The following SEMA3C variants were observed in gnomAD, a reference collection of about 807,000 sequenced individuals.
The protein encoded by SEMA3C is semaphorin 3C.
SEMA3C carries 47 observed loss-of-function variants against 89.4 expected under a neutral mutation model. The ratio of observed to expected loss-of-function variants is 0.53; its 90% CI spans 0.42 to 0.67. The LOEUF is 0.67. SEMA3C is among the 30% of genes least tolerant of loss of function. SEMA3C has a pLI of 0.00. For synonymous variants in SEMA3C, 310 were observed against 320.2 expected (o/e 0.97, Z 0.34); for missense variants, 839 against 929.1 (o/e 0.90, Z 1.26).
intron 12 of SEMA3C, among the ~76,000 whole-genome samples, chr7:80,782,173 T>G (rs1788705833): frequency 6.6e-6 from 1 of 152,198 alleles, no homozygotes; most frequent in African/African-American, 2.4e-5. Flanking sequence ...AATTTTTATC[T>G]CCTTTCTTCC....
intron 2 of SEMA3C, among the ~76,000 whole-genome samples, chr7:80,855,518 C>T (rs138299681): frequency 3.3e-5 from 5 of 152,196 alleles, no homozygotes; most frequent in African/African-American, 1.2e-4. Flanking sequence ...AATCCTCCTG[C>T]CTTGGCCTCC....
intron 2 of SEMA3C, among the ~76,000 whole-genome samples, chr7:80,841,793 T>C (rs115231230): frequency 6.6e-6 from 1 of 152,126 alleles, no homozygotes; most frequent in Admixed American, 6.6e-5. Flanking sequence ...ACCTCAAATT[T>C]AAAGGCCCAG....
At chr7:80,842,652 A>G (rs1790296427) in intron 2 of SEMA3C, among the ~76,000 whole-genome samples, 1 of 152,168 alleles carries the variant, frequency 6.6e-6, no homozygotes, top group Non-Finnish European at 1.5e-5. Context: ...TCACTGACTT[A>G]CAGACATTTT....
chr7:80,851,222 T>C (rs1048185824), intron 2 of SEMA3C, among the ~76,000 whole-genome samples: 3 of 152,100 alleles, frequency 2.0e-5, no homozygotes, highest in Non-Finnish European at 2.9e-5. Context: ...TAAGATGACA[T>C]TCGGCCTGGC....
chr7:80,898,508 T>C (rs1791795270), intron 2 of SEMA3C, among the ~76,000 whole-genome samples: 1 of 152,128 alleles, frequency 6.6e-6, no homozygotes, highest in Non-Finnish European at 1.5e-5. Context: ...ATTGTATTAA[T>C]AAGAATTATT....
chr7:80,773,628 A>G (rs1388738781), intron 12 of SEMA3C, among the ~76,000 whole-genome samples: 1 of 152,174 alleles, frequency 6.6e-6, no homozygotes, highest in Admixed American at 6.5e-5. Flanking sequence ...AACAATCTCA[A>G]CAGAGGTTCA....
intron 3 of SEMA3C, 59 bp from the exon 4 acceptor site, chr7:80,827,546 G>A (rs1343799745): frequency 3.7e-6 from 5 of 1,363,878 alleles, no homozygotes; most frequent in Non-Finnish European, 5.0e-6. Flanking sequence ...ACAGCCCAGT[G>A]CTCTTCATTT....
chr7:80,863,705 G>GAT (rs1167475009), intron 2 of SEMA3C, among the ~76,000 whole-genome samples: 1 of 145,996 alleles, frequency 6.8e-6, no homozygotes. Context: ...ATATATATGT[G>GAT]ATATATATAT....
intron 15 of SEMA3C, 104 bp from the exon 16 acceptor site, chr7:80,751,440 G>T: frequency 2.0e-6 from 2 of 988,004 alleles, no homozygotes; most frequent in Non-Finnish European, 3.1e-6. Flanking sequence ...TTATTGCTAA[G>T]CTTTCATAAA....
chr7:80,811,405 A>T (rs1389181256), intron 5 of SEMA3C, among the ~76,000 whole-genome samples: 4 of 152,208 alleles, frequency 2.6e-5, no homozygotes, highest in African/African-American at 9.6e-5. Context: ...AGGAAAGTTA[A>T]GCAGGAAAAG....
intron 2 of SEMA3C, among the ~76,000 whole-genome samples, chr7:80,885,286 T>C (rs2116120304): frequency 6.6e-6 from 1 of 152,272 alleles, no homozygotes; most frequent in East Asian, 1.9e-4. Flanking sequence ...CTTTTATCCC[T>C]AGGTAAATTG....
At chr7:80,792,107 G>C (rs887587606) in intron 11 of SEMA3C, among the ~76,000 whole-genome samples, 1 of 152,086 alleles carries the variant, frequency 6.6e-6, no homozygotes, top group African/African-American at 2.4e-5. Flanking sequence ...CTTTCATCTG[G>C]AGTTCATATG....
chr7:80,761,320 C>T (rs1488823768), intron 14 of SEMA3C, among the ~76,000 whole-genome samples: 2 of 152,026 alleles, frequency 1.3e-5, no homozygotes, highest in Non-Finnish European at 2.9e-5. Flanking sequence ...ATTTTTATTT[C>T]GGTTGGCTTC....
intron 12 of SEMA3C, among the ~76,000 whole-genome samples, chr7:80,768,236 G>A (rs886606225): frequency 3.9e-5 from 6 of 152,194 alleles, no homozygotes; most frequent in South Asian, 2.1e-4. Context: ...TCTGATAGCC[G>A]GGCGTGGTGG....
intron 4 of SEMA3C, among the ~76,000 whole-genome samples, chr7:80,822,970 G>A (rs868488100): frequency 3.9e-5 from 6 of 152,088 alleles, no homozygotes; most frequent in South Asian, 4.2e-4. Context: ...AGACTTCAGC[G>A]GAAATAAATA....
At chr7:80,798,733 C>T (rs1183012666) in intron 10 of SEMA3C, among the ~76,000 whole-genome samples, 1 of 152,078 alleles carries the variant, frequency 6.6e-6, no homozygotes, top group Non-Finnish European at 1.5e-5. Context: ...TATGTTGTCA[C>T]GGTTTAGGTA....
chr7:80,756,257 CTCT>C (rs1049310655), intron 15 of SEMA3C, among the ~76,000 whole-genome samples: 14 of 152,254 alleles, frequency 9.2e-5, no homozygotes, highest in Admixed American at 9.1e-4. Flanking sequence ...TTTTTGACTC[CTCT>C]ATTTCTCTAA....
At chr7:80,810,323 C>T (rs968519718) in intron 6 of SEMA3C, among the ~76,000 whole-genome samples, 4 of 151,946 alleles carry the variant, frequency 2.6e-5, no homozygotes, top group Non-Finnish European at 4.4e-5. Context: ...ACAGAAAACA[C>T]TGAAAACTAC....
At chr7:80,894,975 T>C (rs968594187) in intron 2 of SEMA3C, among the ~76,000 whole-genome samples, 2 of 152,174 alleles carry the variant, frequency 1.3e-5, no homozygotes, top group African/African-American at 4.8e-5. Context: ...ATTAGATGAT[T>C]CTAATGTTTC....
Sources: gnomAD v4.1 joint callset for allele counts (sites outside exome capture counted in the v4.1 genomes callset) on GRCh38, gnomAD v4.1.1 for gene constraint, MANE v1.5 for transcripts, NCBI Gene and HGNC (gene_info 2026-07-23, HGNC 2026-07-21) for gene names.